TOM1L1: variants seen among roughly 807,000 people sequenced by gnomAD.
TOM1L1 encodes TOM1-like protein 1.
In TOM1L1, 64 loss-of-function variants were observed where a neutral mutation model predicts 63.4. The ratio of observed to expected loss-of-function variants is 1.01; its 90% CI spans 0.83 to 1.24. TOM1L1 has a LOEUF of 1.24. TOM1L1 is among the 50% of genes most tolerant of loss of function. The probability of loss-of-function intolerance (pLI) is 0.00; values close to 1 mark genes in which losing one functional copy is unlikely to be tolerated. For missense variants in TOM1L1, 536 were observed against 567.0 expected, an observed-to-expected ratio of 0.95 and a Z score of 0.55; for synonymous variants, 166 against 194.4, an observed-to-expected ratio of 0.85 and a Z score of 1.22.
At chr17:54,934,927 A>T (rs531922129) in intron 8 of TOM1L1, among the ~76,000 whole-genome samples, 80 of 152,308 alleles carry the variant, frequency 5.3e-4, no homozygotes, top group African/African-American at 1.9e-3. Context: ...CATGTTGCCC[A>T]GGCTGGGCTC....
At chr17:54,904,158 G>A (rs1473097196) in intron 2 of TOM1L1, among the ~76,000 whole-genome samples, 1 of 152,072 alleles carries the variant, frequency 6.6e-6, no homozygotes, top group Non-Finnish European at 1.5e-5. Context: ...ATGAGGTCGG[G>A]AGATGGAGAC....
At position 54,961,615 on chromosome 17, in the gene TOM1L1, G is replaced by T; in HGVS notation, c.*382G>T. ...ATGAAATAATTCTGAATAGATGAAA[G>T]CATAAAATGTGAGAAACTGAATGTA... On this transcript the variant is annotated 3_prime_UTR_variant, in exon 16 of 16. Transcript: ENST00000575882. The T allele has an allele frequency of 8.8e-7, 1 of 1,133,484 alleles. No homozygotes were observed. The highest frequency in any genetic ancestry group is 1.1e-6 in the Non-Finnish European group (1 of 924,740). The allele number at this position is 1,133,484 out of a possible 1,614,324, so 70.2% of individuals were successfully genotyped here.
intron 3 of TOM1L1, among the ~76,000 whole-genome samples, chr17:54,909,563 A>G (rs975811665): frequency 7.2e-5 from 11 of 152,184 alleles, no homozygotes; most frequent in African/African-American, 2.7e-4. Context: ...GAAGTTCTCC[A>G]TGGAAGATGA....
intron 3 of TOM1L1, among the ~76,000 whole-genome samples, chr17:54,912,082 C>T (rs751388029): frequency 3.5e-4 from 53 of 152,146 alleles, no homozygotes; most frequent in Non-Finnish European, 1.0e-4. Context: ...ATTTTTCATA[C>T]AATTTATCTG....
chr17:54,960,474 C>T (rs1325976557), intron 14 of TOM1L1, 92 bp from the exon 15 acceptor site: 1 of 908,624 alleles, frequency 1.1e-6, no homozygotes, highest in Non-Finnish European at 1.8e-6. Flanking sequence ...CCAAAACCAG[C>T]TCAATTTTTA....
chr17:54,906,922 C>T (rs1382577501), intron 3 of TOM1L1: 1 of 556,802 alleles, frequency 1.8e-6, no homozygotes. Flanking sequence ...GGTCACGGCA[C>T]TAATCAGCCA....
At position 54,949,589 on chromosome 17, in the gene TOM1L1, C is replaced by T. The variant is rs370722169; in HGVS notation, c.1254C>T (p.Asn418=). 1 of 1,613,934 alleles carries T rather than the reference C, an allele frequency of 6.2e-7. No individual in the cohort carries two copies. The highest frequency in any genetic ancestry group is 8.5e-7 in the Non-Finnish European group (1 of 1,179,890). ...SLQTIAAAPS[N]QSLPPLPSNH... is the part of the protein sequence containing the mutation. ...AAACCATTGCAGCAGCACCATCAAA[C>T]CAGAGTCTGCCACCTTTGCCCAGCA... Residue 418 remains asparagine (N), a synonymous_variant, in exon 13 of 16, where the codon AAC becomes AAT. Transcript: ENST00000575882.
intron 7 of TOM1L1, among the ~76,000 whole-genome samples, chr17:54,923,533 T>A (rs938912967): frequency 1.3e-5 from 2 of 151,516 alleles, no homozygotes; most frequent in African/African-American, 4.8e-5. Flanking sequence ...TTTTATTTTT[T>A]AAATTAATTA....
At position 54,961,555 on chromosome 17, in the gene TOM1L1, G is replaced by A. The variant is rs764735419; in HGVS notation, c.*322G>A. 2.9e-6 allele frequency: 4 copies of A among 1,359,914 alleles called. No homozygotes were observed. The highest frequency in any genetic ancestry group is 3.8e-6 in the Non-Finnish European group (4 of 1,057,660). 84.2% of individuals were successfully genotyped at this position (1,359,914 alleles called of 1,614,324 possible). On this transcript the variant is annotated 3_prime_UTR_variant, in exon 16 of 16. Coordinates refer to ENST00000575882, the MANE Select transcript of TOM1L1 (RefSeq NM_005486.3). The stretch of plus-strand genomic sequence containing the variant: ...ACAGGCCTTCCTACATTTAGAAATC[G>A]TCACACAGCTGTGATAAGAGTAGAT...
chr17:54,958,934 G>T (rs1198898349), intron 14 of TOM1L1, among the ~76,000 whole-genome samples: 1 of 152,154 alleles, frequency 6.6e-6, no homozygotes, highest in Non-Finnish European at 1.5e-5. Context: ...AATGGGTCAA[G>T]TGCTTCAGAA....
intron 14 of TOM1L1, among the ~76,000 whole-genome samples, chr17:54,950,949 T>C (rs1307602113): frequency 3.3e-5 from 5 of 152,132 alleles, no homozygotes; most frequent in Non-Finnish European, 7.4e-5. Flanking sequence ...AGCAATGAAT[T>C]CTACAATGGA....
chr17:54,902,580 C>T (rs1231521440), intron 1 of TOM1L1, among the ~76,000 whole-genome samples: 3 of 152,276 alleles, frequency 2.0e-5, no homozygotes, highest in South Asian at 2.1e-4. Flanking sequence ...CGGGAGCCAC[C>T]GGGCCCCGCC....
chr17:54,904,973 A>G (rs2048387120), intron 2 of TOM1L1, among the ~76,000 whole-genome samples: 1 of 152,234 alleles, frequency 6.6e-6, no homozygotes, highest in South Asian at 2.1e-4. Context: ...CAATTCATTG[A>G]TAATACAAAA....
intron 11 of TOM1L1, among the ~76,000 whole-genome samples, chr17:54,945,871 G>A (rs1295711928): frequency 6.6e-6 from 1 of 151,762 alleles, no homozygotes; most frequent in Admixed American, 6.6e-5. Flanking sequence ...TCTTGGCATC[G>A]ATATCTGTTA....
intron 7 of TOM1L1, among the ~76,000 whole-genome samples, chr17:54,923,954 C>T (rs190999923): frequency 7.9e-5 from 12 of 151,848 alleles, no homozygotes; most frequent in Admixed American, 5.2e-4. Context: ...ATTGCACCAC[C>T]GTACTCCAGC....
intron 7 of TOM1L1, among the ~76,000 whole-genome samples, chr17:54,928,842 T>G (rs1234463075): frequency 6.6e-6 from 1 of 152,202 alleles, no homozygotes; most frequent in Non-Finnish European, 1.5e-5. Flanking sequence ...CATGTTGTCT[T>G]TTCAATATTT....
Position 54,909,745 on chromosome 17 carries a change from C to G in TOM1L1, c.223-2921C>G, listed in dbSNP as rs555136077. Among the ~76,000 whole-genome samples, 8 of 152,268 alleles carry G rather than the reference C, an allele frequency of 5.3e-5. No homozygotes were observed. The South Asian group carries it at 1.2e-3, about 24-fold the overall frequency. On this transcript the variant is annotated intron_variant, in intron 3 of 15. Coordinates refer to ENST00000575882, the MANE Select transcript of TOM1L1 (RefSeq NM_005486.3). ...AGCCAAGCCCAAAAGATCAGTGAAG[C>G]CTGGAGTCACCCACTTCAGTCTTTG...
chr17:54,936,958 G>C (rs1380439375), intron 9 of TOM1L1, 151 bp from the exon 10 acceptor site: 1 of 719,730 alleles, frequency 1.4e-6, no homozygotes, highest in Non-Finnish European at 2.4e-6. Flanking sequence ...TAGGTGGTAA[G>C]ATGGGATTCA....
intron 1 of TOM1L1, among the ~76,000 whole-genome samples, chr17:54,903,503 C>G (rs572574577): frequency 6.6e-6 from 1 of 152,356 alleles, no homozygotes; most frequent in African/African-American, 2.4e-5. Flanking sequence ...TAATAGGTCA[C>G]TCATTACTGT....
Sources: allele counts gnomAD v4.1 joint callset (sites outside exome capture counted in the v4.1 genomes callset), GRCh38; gene constraint gnomAD v4.1.1; transcripts MANE v1.5; gene names NCBI Gene and HGNC (gene_info 2026-07-23, HGNC 2026-07-21).